Variants in ZNF746 observed in about 807,000 individuals in gnomAD.
ZNF746 encodes parkin-interacting substrate.
A neutral mutation model predicts 41.0 loss-of-function variants in ZNF746; 13 were observed. The observed-to-expected ratio is 0.32, with a 90% CI of 0.21 to 0.50. The LOEUF (loss-of-function observed/expected upper bound fraction) is 0.50, where lower values mean the gene tolerates loss of function less well. ZNF746 is among the 20% of genes least tolerant of loss of function. The probability of loss-of-function intolerance (pLI) is 0.98; values close to 1 mark genes in which losing one functional copy is unlikely to be tolerated. For synonymous variants in ZNF746, 424 were observed against 396.2 expected, an observed-to-expected ratio of 1.07 and a Z score of -0.83; for missense variants, 811 against 922.9, an observed-to-expected ratio of 0.88 and a Z score of 1.57.
At chr7:149,476,601 C>T (rs1800309833) in intron 6 of ZNF746, among the ~76,000 whole-genome samples, 1 of 152,116 alleles carries the variant, frequency 6.6e-6, no homozygotes, top group Non-Finnish European at 1.5e-5. Flanking sequence ...TTGTTTTCCT[C>T]CATGCCAGAG....
intron 4 of ZNF746, 86 bp from the exon 5 acceptor site, chr7:149,477,841 A>G: frequency 8.3e-7 from 1 of 1,202,202 alleles, no homozygotes; most frequent in Admixed American, 2.8e-5. Flanking sequence ...AGATAGACAC[A>G]GGGGCCTTAC....
intron 5 of ZNF746, among the ~76,000 whole-genome samples, chr7:149,477,325 C>T (rs1027193038): frequency 1.3e-5 from 2 of 152,154 alleles, no homozygotes; most frequent in Non-Finnish European, 2.9e-5. Context: ...AGCGGCCTCA[C>T]GGTGATATAG....
chr7:149,492,986 G>A lies in ZNF746; in HGVS notation c.452-14C>T, dbSNP rs376164447. ...AGATGGCGTAGTCTGAGGAAAGACA[G>A]AAGGTTAGTTTTTGCCACGTTCCAG... On this transcript the variant is annotated splice_polypyrimidine_tract_variant and intron_variant, in intron 3 of 6. Coordinates refer to ENST00000458143, the MANE Select transcript of ZNF746 (RefSeq NM_001394198.1). The A allele has an allele frequency of 7.6e-5, 122 of 1,595,472 alleles. No individual in the cohort carries two copies. The African/African-American group carries it at 1.2e-3, about 15-fold the overall frequency.
Position 149,494,637 on chromosome 7 carries a change from T to G in ZNF746, c.25-134A>C, listed in dbSNP as rs1033893452. Reference sequence around the variant, plus strand: ...ACAAGTGGGGCTATCCTATACCACATGCCAGATCTCAGGTTGGCCATCACC... The same window carrying G: ...ACAAGTGGGGCTATCCTATACCACAGGCCAGATCTCAGGTTGGCCATCACC... On this transcript the variant is annotated intron_variant, in intron 1 of 6. Transcript: ENST00000458143. The surrounding 1 kb of genome is among the most constrained non-coding windows in gnomAD (Gnocchi z 5.6). The G allele has an allele frequency of 3.4e-6, 3 of 874,794 alleles. No homozygotes were observed. The Admixed American group carries it at 8.3e-5, about 24-fold the overall frequency. 54.2% of individuals were successfully genotyped at this position (874,794 alleles called of 1,614,324 possible). A position where few individuals can be genotyped will look rare whatever the true frequency, so the allele number is the denominator to read the frequency against.
rs1285429470 is a variant in ZNF746 at position 149,474,346 on chromosome 7, A to G, written c.*38T>C. On this transcript the variant is annotated 3_prime_UTR_variant, in exon 7 of 7. Transcript: ENST00000458143. This position sits in a 1 kb window ranked among gnomAD's most constrained non-coding sequence, Gnocchi z 6.3. Reference sequence around the variant, plus strand: ...CTGCTGCCTGCACACGGGGCTTTTTACACGTGCGGCCGGCAGGGGCTATGG... The same window carrying G: ...CTGCTGCCTGCACACGGGGCTTTTTGCACGTGCGGCCGGCAGGGGCTATGG... 1.3e-6 allele frequency: 2 copies of G among 1,570,454 alleles called. No homozygotes were observed. The highest frequency in any genetic ancestry group is 1.7e-6 in the Non-Finnish European group (2 of 1,158,326).
In ZNF746 at chr7:149,497,381, G is replaced by A; in HGVS notation, c.24+132C>T. The A allele has an allele frequency of 2.0e-6, 2 of 996,774 alleles. No individual in the cohort carries two copies. The highest frequency in any genetic ancestry group is 2.4e-6 in the Non-Finnish European group (2 of 832,808). 61.7% of individuals were successfully genotyped at this position (996,774 alleles called of 1,614,324 possible). ...CCCCGGCGGACCCCGCGCCCCATTC[G>A]CGGGAGCCCCAGGCCCGGTGGTCCG... On this transcript the variant is annotated intron_variant, in intron 1 of 6. Coordinates refer to ENST00000458143, the MANE Select transcript of ZNF746 (RefSeq NM_001394198.1). The surrounding 1 kb of genome is among the most constrained non-coding windows in gnomAD (Gnocchi z 4.2).
chr7:149,475,269 C>T lies in ZNF746; in HGVS notation c.1098G>A (p.Arg366=), dbSNP rs1396973917. The T allele has an allele frequency of 6.2e-7, 1 of 1,613,234 alleles. No homozygotes were observed. Among genetic ancestry groups the T allele is most frequent in the East Asian group, 2.2e-5 (1 of 44,800 alleles). Residue 366 remains arginine, a synonymous_variant, in exon 7 of 7, where the codon CGG becomes CGA. Transcript: ENST00000458143. Reference sequence around the variant, plus strand: ...TGAGCTCACCCATGTCCCTCTCAGGCCGGGCGGGCTCTCGCAGCCCCAGCA... The same window carrying T: ...TGAGCTCACCCATGTCCCTCTCAGGTCGGGCGGGCTCTCGCAGCCCCAGCA... The part of the protein sequence containing the change: ...DPVLGLREPA[R]PERDMGELSP...
Position 149,477,765 on chromosome 7 carries a change from G to A in ZNF746, c.566-10C>T, listed in dbSNP as rs1246590414. 2 of 1,596,498 alleles carry A rather than the reference G, an allele frequency of 1.3e-6. No homozygotes were observed. Among genetic ancestry groups the A allele is most frequent in the Non-Finnish European group, 1.7e-6 (2 of 1,168,696 alleles). On this transcript the variant is annotated splice_polypyrimidine_tract_variant and intron_variant, in intron 4 of 6. Transcript: ENST00000458143. The stretch of plus-strand genomic sequence containing the variant: ...ACTGGGGGCCCCGAGCCTAGGAAAG[G>A]GAGTGAGTGTGAGGATACAGCATCA...
chr7:149,478,575 G>C (rs1800389496), intron 4 of ZNF746, among the ~76,000 whole-genome samples: 4 of 152,180 alleles, frequency 2.6e-5, no homozygotes, highest in Admixed American at 2.6e-4. Context: ...ATCTGCCTCA[G>C]AGGGGCACCC....
chr7:149,492,568 G>A (rs1401015515), intron 4 of ZNF746, among the ~76,000 whole-genome samples: 1 of 152,166 alleles, frequency 6.6e-6, no homozygotes, highest in Admixed American at 6.5e-5. Context: ...CTATGCTCCT[G>A]CCTTCCCTCT....
At chr7:149,493,315 G>T (rs1420290362) in intron 3 of ZNF746, among the ~76,000 whole-genome samples, 3 of 152,228 alleles carry the variant, frequency 2.0e-5, no homozygotes, top group African/African-American at 4.8e-5. Context: ...CACAGAGCGT[G>T]CACGTTAAAC....
chr7:149,489,243 A>T (rs1309292724), intron 4 of ZNF746: 1 of 145,438 alleles, frequency 6.9e-6, no homozygotes, highest in African/African-American at 2.5e-5. Context: ...TCACACACAC[A>T]CACACACACA....
At chr7:149,481,042 T>C (rs563380173) in intron 4 of ZNF746, among the ~76,000 whole-genome samples, 1 of 152,258 alleles carries the variant, frequency 6.6e-6, no homozygotes, top group East Asian at 1.9e-4. Flanking sequence ...ACACATTGTA[T>C]TAAAACTGCA....
chr7:149,493,232 A>C (rs562011616), intron 3 of ZNF746, among the ~76,000 whole-genome samples: 1 of 152,052 alleles, frequency 6.6e-6, no homozygotes, highest in Non-Finnish European at 1.5e-5. Flanking sequence ...AACATCCTAC[A>C]ATGCAGAGGA....
Position 149,475,433 on chromosome 7 carries a change from C to A in ZNF746, c.934G>T (p.Ala312Ser), listed in dbSNP as rs1800265837. The change falls in exon 7 of 7, where the codon GCC (alanine) becomes TCC (serine). Residue 312 changes from alanine (A) to serine (S), a missense_variant. Ala to Ser is a moderately conservative substitution (Grantham distance 99). Coordinates refer to ENST00000458143, the MANE Select transcript of ZNF746 (RefSeq NM_001394198.1). The part of the protein sequence containing the change: ...KTEVQEEEVV[A>S]TPVHPTDLEA... ...AGGTCAGTAGGATGTACGGGTGTGG[C>A]CACCACCTCCTCTTCCTGGACTTCT... 1.2e-6 allele frequency: 2 copies of A among 1,613,542 alleles called. No homozygotes were observed. The highest frequency in any genetic ancestry group is 1.7e-5 in the Admixed American group (1 of 59,834).
chr7:149,482,357 G>A (rs1450508823), intron 4 of ZNF746, among the ~76,000 whole-genome samples: 2 of 152,052 alleles, frequency 1.3e-5, no homozygotes, highest in Non-Finnish European at 2.9e-5. Flanking sequence ...AAGAAATGAT[G>A]TAGCTATACC....
At chr7:149,484,977 A>G (rs1800579509) in intron 4 of ZNF746, among the ~76,000 whole-genome samples, 1 of 152,070 alleles carries the variant, frequency 6.6e-6, no homozygotes, top group Non-Finnish European at 1.5e-5. Flanking sequence ...AGGCTAATCT[A>G]TTTTTATTAC....
intron 6 of ZNF746, among the ~76,000 whole-genome samples, chr7:149,475,934 T>C (rs1052609016): frequency 3.3e-5 from 5 of 152,210 alleles, no homozygotes; most frequent in African/African-American, 9.6e-5. Context: ...CCAGACAACA[T>C]GTCTGAAAGC....
At chr7:149,496,188 T>C (rs1046567201) in intron 1 of ZNF746, among the ~76,000 whole-genome samples, 5 of 152,222 alleles carry the variant, frequency 3.3e-5, no homozygotes, top group Non-Finnish European at 5.9e-5. Context: ...GCTAAACTAC[T>C]TTATTAAGAA....
Sources: allele counts gnomAD v4.1 joint callset (sites outside exome capture counted in the v4.1 genomes callset), GRCh38; gene constraint gnomAD v4.1.1; non-coding constraint Gnocchi (gnomAD v3.1); transcripts MANE v1.5; gene names NCBI Gene and HGNC (gene_info 2026-07-23, HGNC 2026-07-21).